The following RGS7 variants were observed in gnomAD, a reference collection of about 807,000 sequenced individuals.
The protein encoded by RGS7 is regulator of G protein signaling 7, also known as regulator of G-protein signaling 7.
Under a neutral mutation model 81.1 loss-of-function variants are expected in RGS7, and 27 were observed. The observed-to-expected ratio is 0.33, with a 90% CI of 0.25 to 0.46. The LOEUF is 0.46. Ranked by LOEUF, RGS7 falls within the 20% of genes least tolerant of loss-of-function variation. The pLI, the probability that RGS7 is intolerant of heterozygous loss-of-function variation, is 1.00. For missense variants in RGS7, 396 were observed against 607.4 expected (o/e 0.65, Z 3.66); for synonymous variants, 208 against 207.7 (o/e 1.00, Z -0.01).
At chr1:240,779,559 C>G (rs1348197538) in intron 18 of RGS7, among the ~76,000 whole-genome samples, 1 of 152,114 alleles carries the variant, frequency 6.6e-6, no homozygotes, top group African/African-American at 2.4e-5. Flanking sequence ...GGGCCCTCAT[C>G]GGACACTGAA....
At chr1:241,279,843 T>C (rs1404828498) in intron 2 of RGS7, among the ~76,000 whole-genome samples, 1 of 152,220 alleles carries the variant, frequency 6.6e-6, no homozygotes, top group Non-Finnish European at 1.5e-5. Context: ...GTTTTTTCAC[T>C]CAGCCCAACT....
intron 6 of RGS7, among the ~76,000 whole-genome samples, chr1:240,926,541 C>T (rs1228279909): frequency 1.3e-5 from 2 of 151,150 alleles, no homozygotes; most frequent in African/African-American, 4.9e-5. Flanking sequence ...TTTCTAGGAC[C>T]CTTTGTGTGC....
chr1:241,351,505 G>GA (rs1411640342), intron 2 of RGS7, among the ~76,000 whole-genome samples: 1 of 151,756 alleles, frequency 6.6e-6, no homozygotes, highest in Non-Finnish European at 1.5e-5. Context: ...TACCATATGT[G>GA]AAAGATTTAT....
chr1:241,207,867 G>T (rs79719051), intron 2 of RGS7, among the ~76,000 whole-genome samples: 30 of 152,266 alleles, frequency 2.0e-4, no homozygotes, highest in Non-Finnish European at 3.7e-4. Context: ...GACACTTTCT[G>T]CTTTACTTGT....
intron 2 of RGS7, among the ~76,000 whole-genome samples, chr1:241,215,851 A>C (rs914433217): frequency 6.6e-6 from 1 of 152,214 alleles, no homozygotes; most frequent in Admixed American, 6.5e-5. Context: ...AGAAGGCTTA[A>C]TCTTATACAA....
intron 2 of RGS7, among the ~76,000 whole-genome samples, chr1:241,180,301 G>A (rs1461318021): frequency 6.6e-6 from 1 of 152,118 alleles, no homozygotes. Context: ...CGTGAACCCG[G>A]GAGGCGGAGA....
At chr1:241,353,874 A>G (rs1455559447) in intron 2 of RGS7, among the ~76,000 whole-genome samples, 1 of 152,188 alleles carries the variant, frequency 6.6e-6, no homozygotes, top group Admixed American at 6.5e-5. Context: ...CAGGTACACT[A>G]AACAGTCAAA....
intron 9 of RGS7, among the ~76,000 whole-genome samples, chr1:240,862,217 C>T (rs990614961): frequency 2.6e-5 from 4 of 152,010 alleles, no homozygotes; most frequent in Non-Finnish European, 4.4e-5. Context: ...ATATTAAGTA[C>T]TAGAATGATT....
At chr1:240,998,999 T>C (rs1338907233) in intron 3 of RGS7, among the ~76,000 whole-genome samples, 1 of 152,132 alleles carries the variant, frequency 6.6e-6, no homozygotes, top group Non-Finnish European at 1.5e-5. Context: ...TTTTTGTCAG[T>C]CTGTTTTCTC....
intron 2 of RGS7, among the ~76,000 whole-genome samples, chr1:241,165,554 C>G (rs1244545852): frequency 6.7e-6 from 1 of 149,434 alleles, no homozygotes; most frequent in Non-Finnish European, 1.5e-5. Context: ...ACCGCATATT[C>G]TCACTCATAG....
chr1:241,305,794 T>C, intron 2 of RGS7: 1 of 271,564 alleles, frequency 3.7e-6, no homozygotes, highest in Non-Finnish European at 7.2e-6. Context: ...TGGTGTTTGC[T>C]GAGGCGCCCG....
chr1:241,355,000 AGT>A (rs1262595965), intron 2 of RGS7, among the ~76,000 whole-genome samples: 1 of 151,786 alleles, frequency 6.6e-6, no homozygotes, highest in Non-Finnish European at 1.5e-5. Flanking sequence ...ATGGTTGCTC[AGT>A]GTCTAAAAGT....
At chr1:241,304,859 A>C (rs1422738820) in intron 2 of RGS7, among the ~76,000 whole-genome samples, 1 of 152,186 alleles carries the variant, frequency 6.6e-6, no homozygotes, top group Non-Finnish European at 1.5e-5. Flanking sequence ...TACTTAACAC[A>C]TTTTCATCAG....
At chr1:241,240,560 G>C (rs1360639906) in intron 2 of RGS7, among the ~76,000 whole-genome samples, 1 of 152,202 alleles carries the variant, frequency 6.6e-6, no homozygotes, top group Non-Finnish European at 1.5e-5. Context: ...ACGTGTAAAA[G>C]AGTAAACCTC....
chr1:241,203,369 AC>A (rs2147868064), intron 2 of RGS7, among the ~76,000 whole-genome samples: 1 of 152,204 alleles, frequency 6.6e-6, no homozygotes, highest in East Asian at 1.9e-4. Context: ...AGTAGCTGGG[AC>A]TACAGGTGCC....
chr1:240,897,785 C>T (rs901809361), intron 6 of RGS7, among the ~76,000 whole-genome samples: 15 of 152,088 alleles, frequency 9.9e-5, no homozygotes, highest in African/African-American at 2.7e-4. Flanking sequence ...ATCAGGATGA[C>T]GCTGGCCTCA....
intron 3 of RGS7, among the ~76,000 whole-genome samples, chr1:241,042,180 A>G (rs1043333794): frequency 7.9e-5 from 12 of 152,212 alleles, no homozygotes; most frequent in Non-Finnish European, 1.6e-4. Context: ...GTACATATGT[A>G]TCATCTCTTA....
chr1:241,232,883 A>G (rs1053077547), intron 2 of RGS7, among the ~76,000 whole-genome samples: 8 of 152,132 alleles, frequency 5.3e-5, no homozygotes, highest in African/African-American at 1.9e-4. Context: ...TTTATTCCTA[A>G]GTGCTTTGTA....
At chr1:240,962,444 C>T (rs901385918) in intron 4 of RGS7, among the ~76,000 whole-genome samples, 1 of 152,150 alleles carries the variant, frequency 6.6e-6, no homozygotes, top group Non-Finnish European at 1.5e-5. Context: ...GCAAGCTCAT[C>T]TAATTTAAAA....
Sources: allele counts gnomAD v4.1 joint callset (sites outside exome capture counted in the v4.1 genomes callset), GRCh38; gene constraint gnomAD v4.1.1; transcripts MANE v1.5; gene names NCBI Gene and HGNC (gene_info 2026-07-23, HGNC 2026-07-21).